Variants in ZNF655 observed in about 807,000 individuals in gnomAD.
ZNF655 encodes the protein Vav-interacting Kruppel-like protein 1.
Under a neutral mutation model 6.6 loss-of-function variants are expected in ZNF655, and 3 were observed. That is an observed-to-expected ratio of 0.46 (90% CI 0.21 to 1.18). The LOEUF is 1.18. ZNF655 is among the 50% of genes most tolerant of loss of function. The pLI is 0.24. For synonymous variants in ZNF655, 178 were observed against 195.0 expected, an observed-to-expected ratio of 0.91 and a Z score of 0.73; for missense variants, 526 against 572.3, an observed-to-expected ratio of 0.92 and a Z score of 0.83.
chr7:99,572,450 G>A lies in ZNF655; in HGVS notation c.342G>A (p.Arg114=). The change falls in exon 3 of 3, where the codon AGG becomes AGA. Residue 114 remains arginine (R), a synonymous_variant. Transcript: ENST00000252713. ...RKFLYLEREF[R]QITISKETFT... is the part of the protein sequence containing the mutation. Reference sequence around the variant, plus strand: ...TTCTGTACCTGGAGAGAGAGTTTAGGCAAATAACAATCAGCAAGGAAACCT... The same window carrying A: ...TTCTGTACCTGGAGAGAGAGTTTAGACAAATAACAATCAGCAAGGAAACCT... The A allele has an allele frequency of 6.2e-7, 1 of 1,613,784 alleles. No individual in the cohort carries two copies. Among genetic ancestry groups the A allele is most frequent in the East Asian group, 2.2e-5 (1 of 44,862 alleles).
Position 99,575,097 on chromosome 7 carries a change from T to C in ZNF655, c.*1513T>C, listed in dbSNP as rs1237782081. 7 of 152,654 alleles carry C rather than the reference T, an allele frequency of 4.6e-5. No individual in the cohort carries two copies. The East Asian group carries it at 9.6e-4, about 21-fold the overall frequency. The allele number at this position is 152,654 out of a possible 1,614,324, so 9.5% of individuals were successfully genotyped here. On this transcript the variant is annotated 3_prime_UTR_variant, in exon 3 of 3. Coordinates refer to ENST00000252713, the MANE Select transcript of ZNF655 (RefSeq NM_138494.3). The stretch of plus-strand genomic sequence containing the variant: ...GCATCCACAGTCTGCGAAGAAGACA[T>C]GATAAGGACATCAGGGAGCCAACAA...
intron 2 of ZNF655, chr7:99,563,788 A>G: frequency 6.5e-7 from 1 of 1,539,058 alleles, no homozygotes; most frequent in Non-Finnish European, 8.7e-7. Flanking sequence ...AGGTCTTCTT[A>G]TTTGTGGGGA....
At position 99,576,370 on chromosome 7, in the gene ZNF655, T is replaced by C. The variant is rs1804397855; in HGVS notation, c.*2786T>C. On this transcript the variant is annotated 3_prime_UTR_variant, in exon 3 of 3. Transcript: ENST00000252713. The stretch of plus-strand genomic sequence containing the variant: ...TATGTAATCCCTAAAAAGCAGAATA[T>C]GTAAAAATCACATGTATGCGTTTGG... 6.6e-6 allele frequency: 1 copy of C among 152,662 alleles called. No homozygotes were observed. The highest frequency in any genetic ancestry group is 6.5e-5 in the Admixed American group (1 of 15,278). 9.5% of individuals were successfully genotyped at this position (152,662 alleles called of 1,614,324 possible). A position where few individuals can be genotyped will look rare whatever the true frequency, so the allele number is the denominator to read the frequency against.
At chr7:99,562,094 G>C (rs953004352) in intron 2 of ZNF655, 8 of 909,400 alleles carry the variant, frequency 8.8e-6, no homozygotes, top group Non-Finnish European at 1.3e-5. Flanking sequence ...CTCCAGTTTG[G>C]GAATTGATCC....
At chr7:99,564,443 G>A in intron 2 of ZNF655, 1 of 1,013,010 alleles carries the variant, frequency 9.9e-7, no homozygotes, top group Non-Finnish European at 1.2e-6. Context: ...TGAAGTCCCT[G>A]TGGCCCTCTT....
Position 99,576,357 on chromosome 7 carries a change from A to G in ZNF655, c.*2773A>G, listed in dbSNP as rs1461200058. ...ACTGAAACAGGATTATGTAATCCCT[A>G]AAAAGCAGAATATGTAAAAATCACA... On this transcript the variant is annotated 3_prime_UTR_variant, in exon 3 of 3. Coordinates refer to ENST00000252713, the MANE Select transcript of ZNF655 (RefSeq NM_138494.3). The G allele has an allele frequency of 6.5e-6, 1 of 152,694 alleles. No homozygotes were observed. Among genetic ancestry groups the G allele is most frequent in the Non-Finnish European group, 1.5e-5 (1 of 68,046 alleles). The allele number at this position is 152,694 out of a possible 1,614,324, so 9.5% of individuals were successfully genotyped here.
intron 2 of ZNF655, chr7:99,561,882 C>T: frequency 6.6e-7 from 1 of 1,510,326 alleles, no homozygotes; most frequent in Non-Finnish European, 8.9e-7. Context: ...CTTTCTCCTC[C>T]CTCAGCTCCA....
At chr7:99,563,316 T>G in intron 2 of ZNF655, 1 of 208,032 alleles carries the variant, frequency 4.8e-6, no homozygotes, top group Non-Finnish European at 9.6e-6. Context: ...TATATTATAT[T>G]TTTTATTTTA....
At position 99,573,170 on chromosome 7, in the gene ZNF655, A is replaced by C; in HGVS notation, c.1062A>C (p.Glu354Asp). The change falls in exon 3 of 3, where the codon GAA becomes GAC. Residue 354 changes from glutamate to aspartate, a missense_variant. Transcript: ENST00000252713. Reference protein sequence around the residue: ...YLLEHQRVHHEEKAYEYDEYG... With the variant: ...YLLEHQRVHHDEKAYEYDEYG... Reference sequence around the variant, plus strand: ...TTGAACATCAGAGGGTCCATCATGAAGAGAAAGCCTATGAGTATGATGAAT... The same window carrying C: ...TTGAACATCAGAGGGTCCATCATGACGAGAAAGCCTATGAGTATGATGAAT... 1 of 1,614,150 alleles carries C rather than the reference A, an allele frequency of 6.2e-7. No homozygotes were observed. The highest frequency in any genetic ancestry group is 8.5e-7 in the Non-Finnish European group (1 of 1,180,002).
rs2151173259 is a variant in ZNF655 at position 99,574,504 on chromosome 7, A to G, written c.*920A>G. 6.6e-6 allele frequency: 1 copy of G among 152,116 alleles called. No homozygotes were observed. The highest frequency in any genetic ancestry group is 1.9e-4 in the East Asian group (1 of 5,198). 9.4% of individuals were successfully genotyped at this position (152,116 alleles called of 1,614,324 possible). A position where few individuals can be genotyped will look rare whatever the true frequency, so the allele number is the denominator to read the frequency against. Reference sequence around the variant, plus strand: ...GCGATCCTCCCACCTGTCCTCCCAAAGTGCTGGGGTTACAGGCGTGTGTCA... The same window carrying G: ...GCGATCCTCCCACCTGTCCTCCCAAGGTGCTGGGGTTACAGGCGTGTGTCA... On this transcript the variant is annotated 3_prime_UTR_variant, in exon 3 of 3. Coordinates refer to ENST00000252713, the MANE Select transcript of ZNF655 (RefSeq NM_138494.3).
rs748894964 is a variant in ZNF655 at position 99,560,661 on chromosome 7, G to T, written c.102G>T (p.Val34=). The T allele has an allele frequency of 5.6e-6, 9 of 1,614,036 alleles. No homozygotes were observed. The highest frequency in any genetic ancestry group is 1.1e-5 in the South Asian group (1 of 91,088). The change falls in exon 2 of 3, where the codon GTG becomes GTT. Residue 34 remains valine (V), a synonymous_variant. Coordinates refer to ENST00000252713, the MANE Select transcript of ZNF655 (RefSeq NM_138494.3). ...SECLSPEPQF[V]QDTDMEQGLT... Reference sequence around the variant, plus strand: ...GTCTGTCCCCAGAGCCTCAGTTTGTGCAGGACACCGACATGGAACAGGGAC... The same window carrying T: ...GTCTGTCCCCAGAGCCTCAGTTTGTTCAGGACACCGACATGGAACAGGGAC...
intron 2 of ZNF655, chr7:99,562,056 C>T: frequency 1.6e-6 from 2 of 1,266,806 alleles, no homozygotes. Flanking sequence ...ATCTGTAGAC[C>T]TTGCCTGGAA....
rs757701305 is a variant in ZNF655, at chr7:99,572,538, A to G, written c.430A>G (p.Ile144Val). 11 of 1,613,992 alleles carry G rather than the reference A, an allele frequency of 6.8e-6. No homozygotes were observed. The highest frequency in any genetic ancestry group is 1.1e-5 in the South Asian group (1 of 91,084). The change falls in exon 3 of 3, where the codon ATT (isoleucine) becomes GTT (valine). Residue 144 changes from isoleucine to valine, a missense_variant. Ile to Val is a conservative substitution (Grantham distance 29). Transcript: ENST00000252713. ...PEKSFSLDSTIDADQRVLRIQ... is the reference protein window; with the variant it reads ...PEKSFSLDSTVDADQRVLRIQ... ...AAAAAGCTTCAGTCTGGACTCTACTATTGATGCAGATCAGAGAGTTCTTAG... is the reference window on the plus strand; with the variant it reads ...AAAAAGCTTCAGTCTGGACTCTACTGTTGATGCAGATCAGAGAGTTCTTAG...
chr7:99,573,073 A>G lies in ZNF655; in HGVS notation c.965A>G (p.Gln322Arg), dbSNP rs765075681. Residue 322 changes from glutamine (Q) to arginine (R), a missense_variant, in exon 3 of 3, where the codon CAG (glutamine) becomes CGG (arginine). By Grantham distance (43) the Gln-to-Arg change is conservative (BLOSUM62 1). Coordinates refer to ENST00000252713, the MANE Select transcript of ZNF655 (RefSeq NM_138494.3). ...FSRSVHLTQHQKIHKEMPCKC... is the reference protein window; with the variant it reads ...FSRSVHLTQHRKIHKEMPCKC... ...CGTAGTGTCCACCTTACTCAACATC[A>G]GAAAATTCACAAAGAGATGCCCTGT... The G allele has an allele frequency of 2.5e-6, 4 of 1,614,168 alleles. No homozygotes were observed. In the East Asian group the frequency reaches 8.9e-5, roughly 36 times the overall value.
At chr7:99,564,399 C>T in intron 2 of ZNF655, 1 of 1,038,898 alleles carries the variant, frequency 9.6e-7, no homozygotes, top group Non-Finnish European at 1.2e-6. Flanking sequence ...CCCTGGGCTT[C>T]CCTCATGTTT....
At chr7:99,569,312 G>A (rs1471209034) in intron 2 of ZNF655, among the ~76,000 whole-genome samples, 2 of 152,132 alleles carry the variant, frequency 1.3e-5, no homozygotes, top group Non-Finnish European at 2.9e-5. Context: ...TATTTTGAAA[G>A]CAAAGTTTTG....
At position 99,573,380 on chromosome 7, in the gene ZNF655, T is replaced by A. The variant is rs749327853; in HGVS notation, c.1272T>A (p.Ile424=). The A allele has an allele frequency of 2.5e-6, 4 of 1,614,132 alleles. No individual in the cohort carries two copies. The highest frequency in any genetic ancestry group is 3.4e-6 in the Non-Finnish European group (4 of 1,180,002). The change falls in exon 3 of 3, where the codon ATT becomes ATA. Residue 424 remains isoleucine (I), a synonymous_variant. Transcript: ENST00000252713. ...GKAFSQTSCL[I]QHHKMHRKEK... ...CTTTCAGTCAAACCTCATGCCTTAT[T>A]CAGCATCACAAAATGCATAGGAAAG...
chr7:99,571,059 G>A (rs1241391574), intron 2 of ZNF655: 2 of 309,270 alleles, frequency 6.5e-6, no homozygotes, highest in African/African-American at 2.2e-5. Context: ...CTTGAGGGAA[G>A]GGACCTTCTT....
chr7:99,561,963 C>G, intron 2 of ZNF655: 1 of 1,589,406 alleles, frequency 6.3e-7, no homozygotes. Flanking sequence ...CTCTTGACAG[C>G]CAGGTACCAG....
Sources: allele counts gnomAD v4.1 joint callset (sites outside exome capture counted in the v4.1 genomes callset), GRCh38; gene constraint gnomAD v4.1.1; transcripts MANE v1.5; gene names NCBI Gene and HGNC (gene_info 2026-07-23, HGNC 2026-07-21).